Variants in RNF20 observed in about 807,000 individuals in gnomAD.
RNF20 encodes E3 ubiquitin-protein ligase BRE1A.
In RNF20, 84 loss-of-function variants were observed where a neutral mutation model predicts 126.2. That is an observed-to-expected ratio of 0.67 (90% CI 0.56 to 0.80). The LOEUF is 0.80. Among genes scored for constraint, RNF20 ranks in the 30% least tolerant of loss-of-function variants. The pLI is 0.00. For missense variants in RNF20, 869 were observed against 1,188.2 expected (o/e 0.73, Z 3.95); for synonymous variants, 400 against 414.3 (o/e 0.97, Z 0.42).
At chr9:101,544,934 A>G (rs774587751) in intron 6 of RNF20, 49 bp downstream of exon 6, 2 of 1,137,856 alleles carry the variant, frequency 1.8e-6, no homozygotes, top group Non-Finnish European at 2.7e-6. Context: ...GCTGTGGCAG[A>G]TGTTGACTTA....
intron 6 of RNF20, among the ~76,000 whole-genome samples, chr9:101,545,510 G>A (rs78593542): frequency 0.02 from 3,100 of 152,254 alleles, 103 homozygotes; most frequent in African/African-American, 0.07. Flanking sequence ...TATTCTGAGG[G>A]CACATAGCTA....
intron 6 of RNF20, among the ~76,000 whole-genome samples, chr9:101,546,273 C>G (rs1252180339): frequency 6.6e-6 from 1 of 152,058 alleles, no homozygotes; most frequent in Non-Finnish European, 1.5e-5. Context: ...TGGTGTATAG[C>G]TCCTAAATAG....
intron 16 of RNF20, among the ~76,000 whole-genome samples, chr9:101,558,353 C>T (rs1236322649): frequency 6.6e-6 from 1 of 152,048 alleles, no homozygotes; most frequent in Non-Finnish European, 1.5e-5. Context: ...GCTGTGAATG[C>T]CATTATTTTG....
intron 15 of RNF20, among the ~76,000 whole-genome samples, chr9:101,555,690 G>A (rs1485919232): frequency 6.6e-6 from 1 of 151,902 alleles, no homozygotes; most frequent in Non-Finnish European, 1.5e-5. Context: ...GGTGGCTCAT[G>A]CCTGTAATCC....
At chr9:101,535,726 A>G (rs745543039) in intron 2 of RNF20, among the ~76,000 whole-genome samples, 174 bp downstream of exon 2, 2 of 152,238 alleles carry the variant, frequency 1.3e-5, no homozygotes, top group Non-Finnish European at 2.9e-5. Flanking sequence ...GGAGAGGTAG[A>G]TTGATAGTTG....
chr9:101,554,649 T>C (rs751074004), intron 14 of RNF20, 45 bp from the exon 15 acceptor site: 7 of 1,556,354 alleles, frequency 4.5e-6, no homozygotes, highest in Non-Finnish European at 6.2e-6. Flanking sequence ...TTTTTGAAAA[T>C]GTGTTATAAC....
At chr9:101,559,211 A>C (rs1827588044) in intron 16 of RNF20, among the ~76,000 whole-genome samples, 1 of 151,892 alleles carries the variant, frequency 6.6e-6, no homozygotes, top group African/African-American at 2.4e-5. Context: ...TTGACTACGT[A>C]TTTGGCTTTA....
chr9:101,557,310 A>C, intron 15 of RNF20, 74 bp from the exon 16 acceptor site: 2 of 1,092,054 alleles, frequency 1.8e-6, no homozygotes, highest in South Asian at 2.8e-5. Flanking sequence ...ACAGTGGGAA[A>C]ATTTAGTTTC....
intron 2 of RNF20, among the ~76,000 whole-genome samples, chr9:101,536,471 G>A (rs1244220735): frequency 6.6e-6 from 1 of 152,088 alleles, no homozygotes; most frequent in Non-Finnish European, 1.5e-5. Context: ...AACATTCATA[G>A]TGAGTTGTTG....
intron 9 of RNF20, 60 bp downstream of exon 9, chr9:101,547,578 A>T: frequency 6.3e-7 from 1 of 1,588,242 alleles, no homozygotes; most frequent in Non-Finnish European, 8.6e-7. Flanking sequence ...ACTCACGTAT[A>T]TACATAGTTG....
chr9:101,551,962 GC>G, intron 11 of RNF20, 143 bp downstream of exon 11: 1 of 1,291,656 alleles, frequency 7.7e-7, no homozygotes, highest in Non-Finnish European at 1.1e-6. Context: ...TTGGTTCACA[GC>G]CTGGATGTTT....
At position 101,540,079 on chromosome 9, in the gene RNF20, T is replaced by G. The variant is rs184691485; in HGVS notation, c.130-124T>G. 4.5e-5 allele frequency: 42 copies of G among 924,694 alleles called. No individual in the cohort carries two copies. The East Asian group carries it at 1.0e-3, about 23-fold the overall frequency. 57.3% of individuals were successfully genotyped at this position (924,694 alleles called of 1,614,324 possible). A position where few individuals can be genotyped will look rare whatever the true frequency, so the allele number is the denominator to read the frequency against. ...TTCTACTTCTTAATTACTTGTAAGATTTTTTAAAAGTCAATAGCTTTATTC... is the reference window on the plus strand; with the variant it reads ...TTCTACTTCTTAATTACTTGTAAGAGTTTTTAAAAGTCAATAGCTTTATTC... On this transcript the variant is annotated intron_variant, in intron 2 of 19. Transcript: ENST00000389120.
chr9:101,552,286 T>C, intron 12 of RNF20, 24 bp downstream of exon 12: 3 of 1,614,056 alleles, frequency 1.9e-6, no homozygotes, highest in Non-Finnish European at 2.5e-6. Context: ...ATAGAATAAA[T>C]ATCATTTGCT....
chr9:101,535,363 T>C (rs1827165963), intron 1 of RNF20, 35 bp from the exon 2 acceptor site: 17 of 1,563,386 alleles, frequency 1.1e-5, no homozygotes, highest in Non-Finnish European at 1.1e-5. Flanking sequence ...TTTGCTTACA[T>C]ATATTATGTC....
At position 101,562,339 on chromosome 9, in the gene RNF20, C is replaced by T. The variant is rs1827641808; in HGVS notation, c.2845C>T (p.Arg949Cys). The change falls in exon 20 of 20, where the codon CGC (arginine) becomes TGC (cysteine). Residue 949 changes from arginine (R) to cysteine (C), a missense_variant. By Grantham distance (180) the Arg-to-Cys change is radical. Transcript: ENST00000389120. The part of the protein sequence containing the change: ...HVFCFECVKT[R>C]YDTRQRKCPK... ...CTTCTGCTTTGAGTGTGTGAAGACA[C>T]GCTATGACACCCGCCAGCGCAAATG... The T allele has an allele frequency of 6.2e-7, 1 of 1,614,006 alleles. No homozygotes were observed. Among genetic ancestry groups the T allele is most frequent in the Non-Finnish European group, 8.5e-7 (1 of 1,179,942 alleles).
At chr9:101,548,627 G>A (rs1222785050) in intron 9 of RNF20, among the ~76,000 whole-genome samples, 1 of 151,978 alleles carries the variant, frequency 6.6e-6, no homozygotes, top group African/African-American at 2.4e-5. Flanking sequence ...AAGCTGGGGG[G>A]AACAAAGAAA....
Position 101,552,575 on chromosome 9 carries a change from G to A in RNF20, c.1723G>A (p.Glu575Lys). ...AGAAGAACGAGAACGAGAAAGGAGG[G>A]AGAAGGAGAGGGAACGAGAAAGAGA... ...DEEERERERR[E>K]KERERERERE... Residue 575 changes from glutamate (E) to lysine (K), a missense_variant, in exon 13 of 20, where the codon GAG becomes AAG. Around this residue, in one of 8 missense-constraint regions of RNF20, gnomAD observed 231 missense variants for 263.6 expected, o/e 0.88. Transcript: ENST00000389120. The A allele has an allele frequency of 1.2e-6, 2 of 1,603,380 alleles. No individual in the cohort carries two copies. Among genetic ancestry groups the A allele is most frequent in the South Asian group, 1.1e-5 (1 of 90,864 alleles).
chr9:101,537,062 C>T (rs1178999024), intron 2 of RNF20, among the ~76,000 whole-genome samples: 1 of 152,184 alleles, frequency 6.6e-6, no homozygotes, highest in East Asian at 1.9e-4. Context: ...TAGGAGCCAG[C>T]TGTGATTGCG....
chr9:101,540,981 G>T lies in RNF20; in HGVS notation c.628+6G>T. 1 of 1,612,128 alleles carries T rather than the reference G, an allele frequency of 6.2e-7. No homozygotes were observed. ...CCGGAAGCTAAACAGTGGAGGTGAG[G>T]CAAGACCCTGGAGGCCGGGAGTAGT... On this transcript the variant is annotated splice_donor_region_variant and intron_variant, in intron 5 of 19. Transcript: ENST00000389120.
Sources: allele counts gnomAD v4.1 joint callset (sites outside exome capture counted in the v4.1 genomes callset), GRCh38; gene constraint gnomAD v4.1.1; regional missense constraint gnomAD v4.1.1; transcripts MANE v1.5; gene names NCBI Gene and HGNC (gene_info 2026-07-23, HGNC 2026-07-21).